The following ADCY2 variants were observed in gnomAD, a reference collection of about 807,000 sequenced individuals.
ADCY2 encodes adenylate cyclase type 2.
A neutral mutation model predicts 125.2 loss-of-function variants in ADCY2; 31 were observed. That is an observed-to-expected ratio of 0.25 (90% CI 0.19 to 0.33). The LOEUF (loss-of-function observed/expected upper bound fraction) is 0.33. Among genes scored for constraint, ADCY2 ranks in the 10% least tolerant of loss-of-function variants. The probability of loss-of-function intolerance (pLI) is 1.00; values close to 1 mark genes in which losing one functional copy is unlikely to be tolerated. For synonymous variants in ADCY2, 512 were observed against 548.4 expected, an observed-to-expected ratio of 0.93 and a Z score of 0.93; for missense variants, 904 against 1,418.2, an observed-to-expected ratio of 0.64 and a Z score of 5.82.
At chr5:7,505,919 A>G (rs532918510) in intron 2 of ADCY2, among the ~76,000 whole-genome samples, 36 of 152,298 alleles carry the variant, frequency 2.4e-4, no homozygotes, top group Non-Finnish European at 3.4e-4. Context: ...ATTCATAAGG[A>G]CCAAAACAGT....
At chr5:7,741,855 C>T (rs370175139) in intron 14 of ADCY2, among the ~76,000 whole-genome samples, 1 of 151,876 alleles carries the variant, frequency 6.6e-6, no homozygotes, top group Non-Finnish European at 1.5e-5. Context: ...TCATCACCAT[C>T]ACCATCCCTA....
At chr5:7,548,845 A>G (rs967222571) in intron 3 of ADCY2, among the ~76,000 whole-genome samples, 1 of 152,200 alleles carries the variant, frequency 6.6e-6, no homozygotes, top group African/African-American at 2.4e-5. Flanking sequence ...TTGTGAAATT[A>G]AAAATAAACA....
chr5:7,539,509 T>C (rs997125871), intron 3 of ADCY2, among the ~76,000 whole-genome samples: 4 of 152,238 alleles, frequency 2.6e-5, no homozygotes, highest in Non-Finnish European at 4.4e-5. Flanking sequence ...AGTCAAGTCA[T>C]GCATACTGTA....
chr5:7,484,741 A>G (rs1395788085), intron 2 of ADCY2, among the ~76,000 whole-genome samples: 8 of 152,238 alleles, frequency 5.3e-5, no homozygotes, highest in Non-Finnish European at 1.2e-4. Flanking sequence ...GTTTTCAGGT[A>G]TTCTCAGCTA....
intron 7 of ADCY2, among the ~76,000 whole-genome samples, chr5:7,703,817 G>A (rs112000269): frequency 0.28 from 42,778 of 151,736 alleles, 7,300 homozygotes; most frequent in Non-Finnish European, 0.4. Flanking sequence ...ACCTTGGACA[G>A]TATGTTCATT....
At chr5:7,638,426 G>A (rs1227683369) in intron 4 of ADCY2, among the ~76,000 whole-genome samples, 1 of 152,174 alleles carries the variant, frequency 6.6e-6, no homozygotes, top group Non-Finnish European at 1.5e-5. Flanking sequence ...ACTTAGTAGT[G>A]TGGACTCTGC....
chr5:7,466,964 T>G (rs1742142995), intron 2 of ADCY2, among the ~76,000 whole-genome samples: 1 of 152,150 alleles, frequency 6.6e-6, no homozygotes, highest in African/African-American at 2.4e-5. Context: ...CCATCCTTCC[T>G]TCATGATGCT....
In ADCY2 at chr5:7,721,595, T is replaced by A. The variant is rs552502437; in HGVS notation, c.1704-2950T>A. ...TGTATAAGGTGTAAGGAAGGGATCC[T>A]GTTTCAGCTTTCTACGTATAGCTAG... On this transcript the variant is annotated intron_variant, in intron 12 of 24. Transcript: ENST00000338316. 4.7e-4 allele frequency among the ~76,000 whole-genome samples: 72 copies of A among 152,360 alleles called. 1 individual carries two copies. The highest frequency in any genetic ancestry group is 1.6e-3 in the African/African-American group (66 of 41,590).
At chr5:7,572,043 A>G (rs979228932) in intron 3 of ADCY2, among the ~76,000 whole-genome samples, 10 of 152,140 alleles carry the variant, frequency 6.6e-5, no homozygotes, top group Non-Finnish European at 1.3e-4. Context: ...TCTATCATTG[A>G]CGGGCATTTA....
At position 7,722,875 on chromosome 5, in the gene ADCY2, G is replaced by A. The variant is rs534957290; in HGVS notation, c.1704-1670G>A. 6.9e-5 allele frequency among the ~76,000 whole-genome samples: 10 copies of A among 145,220 alleles called. No homozygotes were observed. The East Asian group carries it at 1.6e-3, about 24-fold the overall frequency. On this transcript the variant is annotated intron_variant, in intron 12 of 24. Transcript: ENST00000338316. ...TTTGGCAGGCTGAGACAGGAGAATC[G>A]CTTGAACCCGGGAGGCAGAGGTTGC... is the stretch of plus-strand genomic sequence containing the variant.
chr5:7,827,122 G>C lies in ADCY2; in HGVS notation c.*251G>C. On this transcript the variant is annotated 3_prime_UTR_variant, in exon 25 of 25. Transcript: ENST00000338316. ...GCGCGTGATAGAAGAAAAGCACTGG[G>C]AGAACTAACAGAGGAGAAAGGTGAA... is the stretch of plus-strand genomic sequence containing the variant. 2.4e-6 allele frequency: 1 copy of C among 423,550 alleles called. No individual in the cohort carries two copies. The highest frequency in any genetic ancestry group is 4.2e-6 in the Non-Finnish European group (1 of 239,590). The allele number at this position is 423,550 out of a possible 1,614,324, so 26.2% of individuals were successfully genotyped here. A position where few individuals can be genotyped will look rare whatever the true frequency, so the allele number is the denominator to read the frequency against.
chr5:7,502,987 T>C (rs1233088654), intron 2 of ADCY2, among the ~76,000 whole-genome samples: 5 of 152,194 alleles, frequency 3.3e-5, no homozygotes, highest in African/African-American at 1.2e-4. Flanking sequence ...CTGCGGATAA[T>C]CTGCAACTCC....
At chr5:7,548,558 C>A (rs375351870) in intron 3 of ADCY2, among the ~76,000 whole-genome samples, 87 of 152,288 alleles carry the variant, frequency 5.7e-4, no homozygotes, top group African/African-American at 2.0e-3. Context: ...TCTGCATGAA[C>A]AACTTCTATT....
At chr5:7,584,086 T>G (rs536661063) in intron 3 of ADCY2, among the ~76,000 whole-genome samples, 1 of 152,264 alleles carries the variant, frequency 6.6e-6, no homozygotes, top group African/African-American at 2.4e-5. Context: ...GGGTGATTTC[T>G]TCCATAGTGG....
At chr5:7,777,591 T>C (rs1344490389) in intron 18 of ADCY2, among the ~76,000 whole-genome samples, 45 of 152,182 alleles carry the variant, frequency 3.0e-4, no homozygotes, top group East Asian at 1.9e-4. Flanking sequence ...AGGGAAGGCA[T>C]CTCTGTTTAA....
At position 7,646,690 on chromosome 5, in the gene ADCY2, C is replaced by G. The variant is rs77407169; in HGVS notation, c.720+20374C>G. ...TTTAAGCTGTGAAAGCCAGAATTCC[C>G]TGAAGCACATCGTACAGCTCAGCAT... On this transcript the variant is annotated intron_variant, in intron 4 of 24. Coordinates refer to ENST00000338316, the MANE Select transcript of ADCY2 (RefSeq NM_020546.3). Among the ~76,000 whole-genome samples the G allele has an allele frequency of 5.9e-5, 9 of 152,284 alleles. No individual in the cohort carries two copies. The East Asian group carries it at 1.7e-3, about 29-fold the overall frequency.
Position 7,658,399 on chromosome 5 carries a change from T to TTGTGTGTGTGTGTGTG in ADCY2, c.720+32101_720+32116dup, listed in dbSNP as rs369870574. On this transcript the variant is annotated intron_variant, in intron 4 of 24. Transcript: ENST00000338316. ...TTCTCCTTTTCACCAGTGAAGAGAA[T>TTGTGTGTGTGTGTGTG]TGTGTGTGTGTGTGTGTGTGTGTGT... Among the ~76,000 whole-genome samples the TTGTGTGTGTGTGTGTG allele has an allele frequency of 4.3e-3, 568 of 130,928 alleles. 1 individual carries two copies. Among genetic ancestry groups the TTGTGTGTGTGTGTGTG allele is most frequent in the African/African-American group, 6.3e-3 (223 of 35,162 alleles). The allele number at this position is 130,928 out of a possible 152,430, so 85.9% of individuals were successfully genotyped here.
chr5:7,595,890 C>G (rs12659045), intron 3 of ADCY2, among the ~76,000 whole-genome samples: 86,942 of 151,868 alleles, frequency 0.57, 25,517 homozygotes, highest in Non-Finnish European at 0.62. Flanking sequence ...ATTAAGTACA[C>G]ACTCAACATA....
chr5:7,750,527 A>T (rs775533067), intron 15 of ADCY2, among the ~76,000 whole-genome samples: 2 of 152,222 alleles, frequency 1.3e-5, no homozygotes, highest in Non-Finnish European at 2.9e-5. Flanking sequence ...TTCTGGACTC[A>T]GTTTCCATAT....
Sources: allele counts gnomAD v4.1 joint callset (sites outside exome capture counted in the v4.1 genomes callset), GRCh38; gene constraint gnomAD v4.1.1; transcripts MANE v1.5; gene names NCBI Gene and HGNC (gene_info 2026-07-23, HGNC 2026-07-21).